Variants in PPFIBP2 observed in about 807,000 individuals in gnomAD.
The protein encoded by PPFIBP2 is liprin-beta-2.
PPFIBP2 carries 118 observed loss-of-function variants against 118.3 expected under a neutral mutation model. That is an observed-to-expected ratio of 1.00 (90% confidence interval 0.86 to 1.16). The LOEUF (loss-of-function observed/expected upper bound fraction) is 1.16, where lower values mean the gene tolerates loss of function less well. Among genes scored for constraint, PPFIBP2 ranks in the 50% most tolerant of loss-of-function variants. The pLI is 0.00. For missense variants in PPFIBP2, 1,195 were observed against 1,073.1 expected, an observed-to-expected ratio of 1.11 and a Z score of -1.59; for synonymous variants, 414 against 397.4, an observed-to-expected ratio of 1.04 and a Z score of -0.50.
chr11:7,655,782 G>C (rs559822901), downstream of PPFIBP2, among the ~76,000 whole-genome samples: 5 of 151,530 alleles, frequency 3.3e-5, no homozygotes, highest in African/African-American at 1.2e-4. Flanking sequence ...CTCTTCCCAG[G>C]CTTAGAGATG....
chr11:7,622,545 A>G (rs199659762), intron 7 of PPFIBP2, among the ~76,000 whole-genome samples: 2 of 152,270 alleles, frequency 1.3e-5, no homozygotes, highest in East Asian at 3.8e-4. Flanking sequence ...CACTGAACAT[A>G]TATAAATATT....
At chr11:7,593,034 T>C in intron 3 of PPFIBP2, 98 bp from the exon 4 acceptor site, 3 of 1,501,210 alleles carry the variant, frequency 2.0e-6, no homozygotes, top group Non-Finnish European at 2.7e-6. Flanking sequence ...TCAGTGAAAC[T>C]ATCCTCACAA....
chr11:7,520,690 G>C (rs1849678377), intron 1 of PPFIBP2, among the ~76,000 whole-genome samples: 1 of 152,142 alleles, frequency 6.6e-6, no homozygotes, highest in Admixed American at 6.5e-5. Context: ...TCCCCATTTG[G>C]TGTGGGCACA....
At position 7,562,222 on chromosome 11, in the gene PPFIBP2, G is replaced by A. The variant is rs750313860; in HGVS notation, c.65-3331G>A. Among the ~76,000 whole-genome samples the A allele has an allele frequency of 2.6e-4, 40 of 152,336 alleles. 1 individual carries two copies. Among genetic ancestry groups the A allele is most frequent in the Non-Finnish European group, 4.4e-4 (30 of 68,020 alleles). ...ACAGGCCATGGACTGGTACCAGTCT[G>A]TGGCTAGGGCTGGGAACACCTGGGC... On this transcript the variant is annotated intron_variant, in intron 2 of 23. Transcript: ENST00000299492.
chr11:7,545,885 C>G (rs1199992121), intron 1 of PPFIBP2, among the ~76,000 whole-genome samples: 1 of 152,202 alleles, frequency 6.6e-6, no homozygotes, highest in East Asian at 1.9e-4. Flanking sequence ...TCCCAATCCT[C>G]CCGACTCCTA....
chr11:7,547,429 ATTTTCCCCTT>A (rs1852446836), intron 1 of PPFIBP2, among the ~76,000 whole-genome samples: 4 of 152,092 alleles, frequency 2.6e-5, no homozygotes, highest in Admixed American at 2.6e-4. Context: ...GGAGTTTGGA[ATTTTCCCCTT>A]AGAGAAAGAG....
downstream of PPFIBP2, among the ~76,000 whole-genome samples, chr11:7,654,007 A>C (rs1484813301): frequency 6.6e-6 from 1 of 152,192 alleles, no homozygotes; most frequent in Non-Finnish European, 1.5e-5. Flanking sequence ...TTCAAGTCTC[A>C]TGCACATCCT....
At chr11:7,610,158 C>G in intron 5 of PPFIBP2, 133 bp from the exon 6 acceptor site, 1 of 1,181,324 alleles carries the variant, frequency 8.5e-7, no homozygotes, top group East Asian at 2.4e-5. Context: ...AGGCCTGTGA[C>G]TCTCATGTAG....
chr11:7,642,724 A>T (rs992066750), intron 17 of PPFIBP2, among the ~76,000 whole-genome samples: 2 of 152,188 alleles, frequency 1.3e-5, no homozygotes, highest in Non-Finnish European at 2.9e-5. Context: ...TCACCTCAAG[A>T]TTGCCATATA....
chr11:7,620,935 G>C lies in PPFIBP2; in HGVS notation c.619G>C (p.Glu207Gln). ...TTTGTCTTTCTCCCTCATCCCCTAG[G>C]AGTTACTGCAAGAGCTCAGGCACCT... ...EQEEKQRKAEELLQELRHLKI... is the reference protein window; with the variant it reads ...EQEEKQRKAEQLLQELRHLKI... Residue 207 changes from glutamate to glutamine, a missense_variant and splice_region_variant, in exon 7 of 24, where the codon GAG becomes CAG. By Grantham distance (29) the Glu-to-Gln change is conservative. Transcript: ENST00000299492. 6.3e-7 allele frequency: 1 copy of C among 1,599,026 alleles called. No homozygotes were observed. The highest frequency in any genetic ancestry group is 1.1e-5 in the South Asian group (1 of 90,734).
In PPFIBP2 at chr11:7,649,179, A is replaced by G; in HGVS notation, c.1942A>G (p.Lys648Glu). ...WLDDIGLPQY[K>E]DQFHESRVDR... ...TGATGATATTGGCTTACCCCAGTACAAAGACCAGTTTCATGAATCTAGAGT... is the reference window on the plus strand; with the variant it reads ...TGATGATATTGGCTTACCCCAGTACGAAGACCAGTTTCATGAATCTAGAGT... Residue 648 changes from lysine (K) to glutamate (E), a missense_variant, in exon 20 of 24, where the codon AAA becomes GAA. Transcript: ENST00000299492. 1.9e-6 allele frequency: 3 copies of G among 1,614,136 alleles called. No individual in the cohort carries two copies. Among genetic ancestry groups the G allele is most frequent in the Non-Finnish European group, 2.5e-6 (3 of 1,179,992 alleles).
In PPFIBP2 at chr11:7,625,772, T is replaced by C; in HGVS notation, c.712-5T>C. Reference sequence around the variant, plus strand: ...CCTGGTAGGGATCCTCTGTTGCTCTTCCAGGCTGAAGTCGCCCAGCTGCAA... The same window carrying C: ...CCTGGTAGGGATCCTCTGTTGCTCTCCCAGGCTGAAGTCGCCCAGCTGCAA... On this transcript the variant is annotated splice_region_variant and splice_polypyrimidine_tract_variant and intron_variant, in intron 7 of 23. Coordinates refer to ENST00000299492, the MANE Select transcript of PPFIBP2 (RefSeq NM_003621.5). 6.2e-7 allele frequency: 1 copy of C among 1,613,814 alleles called. No individual in the cohort carries two copies. Among genetic ancestry groups the C allele is most frequent in the Non-Finnish European group, 8.5e-7 (1 of 1,179,700 alleles).
chr11:7,585,004 C>G (rs1857878655), intron 3 of PPFIBP2, among the ~76,000 whole-genome samples: 1 of 152,150 alleles, frequency 6.6e-6, no homozygotes, highest in South Asian at 2.1e-4. Context: ...ATCTAAATGG[C>G]TAAATAAGGA....
At chr11:7,643,314 G>C (rs1481597582) in intron 17 of PPFIBP2, among the ~76,000 whole-genome samples, 1 of 152,196 alleles carries the variant, frequency 6.6e-6, no homozygotes, top group African/African-American at 2.4e-5. Context: ...AGTTCTTGAA[G>C]GATTGACTCT....
At chr11:7,615,847 A>G (rs1258762742) in intron 6 of PPFIBP2, among the ~76,000 whole-genome samples, 1 of 152,238 alleles carries the variant, frequency 6.6e-6, no homozygotes, top group African/African-American at 2.4e-5. Flanking sequence ...ACTTGGGTAA[A>G]TCATAACTCT....
intron 1 of PPFIBP2, among the ~76,000 whole-genome samples, chr11:7,547,553 C>T (rs1439862763): frequency 2.6e-5 from 4 of 152,202 alleles, no homozygotes; most frequent in African/African-American, 9.7e-5. Flanking sequence ...CCCCCCTTTT[C>T]CCTGCTACCT....
chr11:7,607,813 C>G (rs1847580388), intron 5 of PPFIBP2, among the ~76,000 whole-genome samples: 1 of 152,186 alleles, frequency 6.6e-6, no homozygotes, highest in African/African-American at 2.4e-5. Context: ...AGATTTTCTA[C>G]TAACTCTGAC....
chr11:7,625,367 G>C (rs1323994252), intron 7 of PPFIBP2, among the ~76,000 whole-genome samples: 4 of 152,168 alleles, frequency 2.6e-5, no homozygotes, highest in African/African-American at 9.7e-5. Context: ...TGTTATAGTG[G>C]TGTCTCTAAA....
At chr11:7,611,392 C>T (rs1848056354) in intron 6 of PPFIBP2, among the ~76,000 whole-genome samples, 1 of 152,214 alleles carries the variant, frequency 6.6e-6, no homozygotes, top group African/African-American at 2.4e-5. Flanking sequence ...TGATAAGTGC[C>T]AGCATTAGTG....
Sources: allele counts gnomAD v4.1 joint callset (sites outside exome capture counted in the v4.1 genomes callset), GRCh38; gene constraint gnomAD v4.1.1; transcripts MANE v1.5; gene names NCBI Gene and HGNC (gene_info 2026-07-23, HGNC 2026-07-21).